The following ACTN4 variants were observed in gnomAD, a reference collection of about 807,000 sequenced individuals.
The protein encoded by ACTN4 is alpha-actinin-4.
Under a neutral mutation model 114.2 loss-of-function variants are expected in ACTN4, and 18 were observed. The ratio of observed to expected loss-of-function variants is 0.16; its 90% CI spans 0.11 to 0.23. The LOEUF is 0.23. ACTN4 is among the 10% of genes least tolerant of loss of function. ACTN4 has a pLI of 1.00. For synonymous variants in ACTN4, 515 were observed against 506.3 expected, an observed-to-expected ratio of 1.02 and a Z score of -0.23; for missense variants, 722 against 1,262.9, an observed-to-expected ratio of 0.57 and a Z score of 6.49.
At position 38,724,326 on chromosome 19, in the gene ACTN4, C is replaced by T; in HGVS notation, c.1862C>T (p.Ser621Phe). The T allele has an allele frequency of 6.2e-7, 1 of 1,613,720 alleles. No homozygotes were observed. Among genetic ancestry groups the T allele is most frequent in the Non-Finnish European group, 8.5e-7 (1 of 1,180,004 alleles). The change falls in exon 15 of 21, where the codon TCC becomes TTC. Residue 621 changes from serine (S) to phenylalanine (F), a missense_variant. This residue lies in a region of ACTN4 where 523 missense variants were observed against 875.9 expected (regional missense o/e 0.60). Coordinates refer to ENST00000252699, the MANE Select transcript of ACTN4 (RefSeq NM_004924.6). The surrounding 1 kb of genome is among the most constrained non-coding windows in gnomAD (Gnocchi z 7.0). ...YTTVTPQIINSKWEKVQQLVP... is the reference protein window; with the variant it reads ...YTTVTPQIINFKWEKVQQLVP... ...ACCGTCACCCCGCAAATCATCAACT[C>T]CAAGTGGGAGAAGGTGGGCCGGGGC...
At chr19:38,715,014 C>G (rs1968793594) in intron 9 of ACTN4, among the ~76,000 whole-genome samples, 1 of 152,164 alleles carries the variant, frequency 6.6e-6, no homozygotes, top group African/African-American at 2.4e-5. Context: ...ATCCTCCTTT[C>G]CAAGTGAGGA....
At position 38,701,030 on chromosome 19, in the gene ACTN4, G is replaced by T. The variant is rs776245124; in HGVS notation, c.306G>T (p.Gly102=). 55 of 1,613,990 alleles carry T rather than the reference G, an allele frequency of 3.4e-5. No individual in the cohort carries two copies. The highest frequency in any genetic ancestry group is 1.7e-4 in the Middle Eastern group (1 of 6,024). Residue 102 remains glycine (G), a synonymous_variant, in exon 3 of 21, where the codon GGG becomes GGT. Transcript: ENST00000252699. ...AGCGGTTACCTAAGCCGGAGCGGGG[G>T]AAGATGAGAGTGCACAAAATCAACA... ...SGERLPKPER[G]KMRVHKINNV...
At chr19:38,665,151 T>C (rs1966915434) in intron 1 of ACTN4, among the ~76,000 whole-genome samples, 1 of 152,110 alleles carries the variant, frequency 6.6e-6, no homozygotes, top group African/African-American at 2.4e-5. Context: ...AGAGTGCCTT[T>C]GACATCCCCC....
intron 1 of ACTN4, among the ~76,000 whole-genome samples, chr19:38,669,110 C>G (rs1267761878): frequency 6.6e-6 from 1 of 152,144 alleles, no homozygotes; most frequent in African/African-American, 2.4e-5. Context: ...CCTCAGCCTC[C>G]CAACTAGCTG....
Position 38,728,009 on chromosome 19 carries a change from G to C in ACTN4, c.2401G>C (p.Val801Leu). ...KACLISLGYD[V>L]ENDRQGEAEF... ...CTGCCTCATCAGCCTGGGCTACGAC[G>C]TGGAGAACGACCGGCAGGTACTGCA... Residue 801 changes from valine to leucine, a missense_variant, in exon 19 of 21, where the codon GTG becomes CTG. Physicochemically the swap from Val to Leu is conservative, Grantham distance 32 (BLOSUM62 1). Around this residue, in one of 3 missense-constraint regions of ACTN4, gnomAD observed 523 missense variants for 875.9 expected, o/e 0.60. Transcript: ENST00000252699. 1 of 1,612,966 alleles carries C rather than the reference G, an allele frequency of 6.2e-7. No individual in the cohort carries two copies. Among genetic ancestry groups the C allele is most frequent in the South Asian group, 1.1e-5 (1 of 91,002 alleles).
At chr19:38,698,868 TTG>T (rs558439294) in intron 1 of ACTN4, among the ~76,000 whole-genome samples, 6 of 152,158 alleles carry the variant, frequency 3.9e-5, no homozygotes, top group Non-Finnish European at 7.4e-5. Flanking sequence ...GGAGGGGGCT[TTG>T]TGTCGAGTCT....
At chr19:38,682,744 C>T (rs1444239103) in intron 1 of ACTN4, among the ~76,000 whole-genome samples, 2 of 152,156 alleles carry the variant, frequency 1.3e-5, no homozygotes, top group Non-Finnish European at 2.9e-5. Flanking sequence ...TCCTCAGGCT[C>T]CCACCCTCTA....
intron 13 of ACTN4, 28 bp from the exon 14 acceptor site, chr19:38,723,909 C>T: frequency 1.2e-6 from 2 of 1,606,566 alleles, no homozygotes; most frequent in Non-Finnish European, 1.7e-6. Context: ...TTCCCTCTGT[C>T]CCTGCCCCCT....
At chr19:38,661,842 C>T (rs779817970) in intron 1 of ACTN4, among the ~76,000 whole-genome samples, 3 of 152,202 alleles carry the variant, frequency 2.0e-5, no homozygotes, top group Non-Finnish European at 4.4e-5. Context: ...TTTGTAGAGA[C>T]GGGGTTTCAC....
At position 38,718,067 on chromosome 19, in the gene ACTN4, G is replaced by A; in HGVS notation, c.1284G>A (p.Trp428Ter). The A allele has an allele frequency of 6.2e-7, 1 of 1,608,572 alleles. No homozygotes were observed. Among genetic ancestry groups the A allele is most frequent in the Non-Finnish European group, 8.5e-7 (1 of 1,177,588 alleles). ...AGAAGGCCTCCATCCACGAGGCCTG[G>A]ACTGACGGTACGGCCCAGCTCTGCC... The part of the protein sequence containing the change: ...FRQKASIHEA[W>*]TDGKEAMLKH... The change falls in exon 11 of 21, where the codon TGG (tryptophan) becomes TGA (stop). Residue 428 changes from tryptophan (W) to a stop codon, truncating the protein, a stop_gained. Transcript: ENST00000252699. LOFTEE classifies it high-confidence loss of function.
At chr19:38,650,275 ACTCC>A (rs765965185) in intron 1 of ACTN4, among the ~76,000 whole-genome samples, 37 of 150,388 alleles carry the variant, frequency 2.5e-4, no homozygotes, top group South Asian at 8.5e-4. Context: ...GCCGGGTTTC[ACTCC>A]CTCCCGAGAG....
rs776830336 is a variant in ACTN4 at position 38,723,635 on chromosome 19, C to G, written c.1464C>G (p.Ser488=). 5.0e-6 allele frequency: 8 copies of G among 1,613,064 alleles called. No homozygotes were observed. The East Asian group carries it at 1.8e-4, about 36-fold the overall frequency. Residue 488 remains serine (S), a synonymous_variant, in exon 13 of 21, where the codon TCC becomes TCG. Coordinates refer to ENST00000252699, the MANE Select transcript of ACTN4 (RefSeq NM_004924.6). ...GCAGCGAGCTGGATTACTACGACTC[C>G]CACAATGTCAACACCCGGTGCCAGA... is the stretch of plus-strand genomic sequence containing the variant. The part of the protein sequence containing the change: ...QELNELDYYD[S]HNVNTRCQKI...
chr19:38,727,830 C>T lies in ACTN4; in HGVS notation c.2338-116C>T. ...CTCCTTGTCCATGTTGCCTCTAACT[C>T]TGTGTTTCCCTCCCCTACGTGTCCC... On this transcript the variant is annotated intron_variant, in intron 18 of 20. Transcript: ENST00000252699. The surrounding 1 kb of genome is among the most constrained non-coding windows in gnomAD (Gnocchi z 5.4). The T allele has an allele frequency of 3.1e-6, 3 of 972,192 alleles. No individual in the cohort carries two copies. The South Asian group carries it at 4.3e-5, about 14-fold the overall frequency. The allele number at this position is 972,192 out of a possible 1,614,324, so 60.2% of individuals were successfully genotyped here. A position where few individuals can be genotyped will look rare whatever the true frequency, so the allele number is the denominator to read the frequency against.
At position 38,676,488 on chromosome 19, in the gene ACTN4, G is replaced by A. The variant is rs866335902; in HGVS notation, c.163-24112G>A. ...AGTGTCCTGCGACTGGGCTGGAGAC[G>A]TGGCTGAGGGAGGCCAGGGGGCCTC... On this transcript the variant is annotated intron_variant, in intron 1 of 20. Coordinates refer to ENST00000252699, the MANE Select transcript of ACTN4 (RefSeq NM_004924.6). 3.3e-5 allele frequency among the ~76,000 whole-genome samples: 5 copies of A among 152,220 alleles called. No homozygotes were observed. The South Asian group carries it at 6.2e-4, about 19-fold the overall frequency.
At chr19:38,704,752 A>G (rs1968399928) in intron 3 of ACTN4, among the ~76,000 whole-genome samples, 182 bp from the exon 4 acceptor site, 1 of 152,214 alleles carries the variant, frequency 6.6e-6, no homozygotes, top group South Asian at 2.1e-4. Context: ...AGTGCTGCCT[A>G]GAGACTGTTC....
At chr19:38,672,073 A>G (rs2144884503) in intron 1 of ACTN4, among the ~76,000 whole-genome samples, 1 of 152,144 alleles carries the variant, frequency 6.6e-6, no homozygotes, top group African/African-American at 2.4e-5. Context: ...CTGGCCTGTC[A>G]TGTTATTCTG....
Position 38,729,888 on chromosome 19 carries a change from C to G in ACTN4, c.*456C>G. The G allele has an allele frequency of 2.8e-6, 1 of 357,482 alleles. No homozygotes were observed. The highest frequency in any genetic ancestry group is 2.1e-5 in the South Asian group (1 of 48,112). 22.1% of individuals were successfully genotyped at this position (357,482 alleles called of 1,614,324 possible). On this transcript the variant is annotated 3_prime_UTR_variant, in exon 21 of 21. Transcript: ENST00000252699. ...GGCCAGCAGAGGGCGCCACCACCACCTGACGGCTGGGGACCCACCCAGCCC... is the reference window on the plus strand; with the variant it reads ...GGCCAGCAGAGGGCGCCACCACCACGTGACGGCTGGGGACCCACCCAGCCC...
chr19:38,671,943 G>A (rs1967141546), intron 1 of ACTN4, among the ~76,000 whole-genome samples: 1 of 152,214 alleles, frequency 6.6e-6, no homozygotes, highest in South Asian at 2.1e-4. Flanking sequence ...GAAATAGCTG[G>A]AAGAAAAATG....
intron 8 of ACTN4, 148 bp from the exon 9 acceptor site, chr19:38,714,319 CAG>C (rs1823550954): frequency 1.3e-6 from 1 of 754,536 alleles, no homozygotes; most frequent in Admixed American, 2.0e-5. Context: ...CCTATTGGGA[CAG>C]GGCACCATCT....
Sources: gnomAD v4.1 joint callset for allele counts (sites outside exome capture counted in the v4.1 genomes callset) on GRCh38, gnomAD v4.1.1 for gene constraint, gnomAD v4.1.1 regional missense constraint, Gnocchi (gnomAD v3.1) non-coding constraint, MANE v1.5 for transcripts, NCBI Gene and HGNC (gene_info 2026-07-23, HGNC 2026-07-21) for gene names.